Variants in ASIC2 observed in about 807,000 individuals in gnomAD.
ASIC2 encodes acid sensing ion channel subunit 2.
A neutral mutation model predicts 57.3 loss-of-function variants in ASIC2; 25 were observed. That is an observed-to-expected ratio of 0.44 (90% CI 0.32 to 0.61). The LOEUF is 0.61. Among genes scored for constraint, ASIC2 ranks in the 20% least tolerant of loss-of-function variants. The probability of loss-of-function intolerance (pLI) is 0.06; values close to 1 mark genes in which losing one functional copy is unlikely to be tolerated. For missense variants in ASIC2, 641 were observed against 738.1 expected, an observed-to-expected ratio of 0.87 and a Z score of 1.52; for synonymous variants, 319 against 307.5, an observed-to-expected ratio of 1.04 and a Z score of -0.39.
At chr17:33,298,954 G>A (rs1905836548) in intron 1 of ASIC2, among the ~76,000 whole-genome samples, 1 of 152,144 alleles carries the variant, frequency 6.6e-6, no homozygotes, top group South Asian at 2.1e-4. Flanking sequence ...ACAAACAAAT[G>A]GAAGAACATT....
rs4380089 is a variant in ASIC2 at position 33,739,902 on chromosome 17, G to A, written c.555+416076C>T. On this transcript the variant is annotated intron_variant, in intron 1 of 9. Transcript: ENST00000359872. ...AAAGAAAAGGAAAGAAAAGAAAAAA[G>A]AGAAAGAAAGAAAAGAAAAAAGAAA... Among the ~76,000 whole-genome samples the A allele has an allele frequency of 7.1e-5, 8 of 113,184 alleles. No individual in the cohort carries two copies. In the East Asian group the frequency reaches 1.6e-3, roughly 22 times the overall value. The allele number at this position is 113,184 out of a possible 152,430, so 74.3% of individuals were successfully genotyped here.
At chr17:33,589,907 A>G (rs932362203) in intron 1 of ASIC2, among the ~76,000 whole-genome samples, 31 of 152,262 alleles carry the variant, frequency 2.0e-4, no homozygotes, top group Middle Eastern at 6.8e-3. Context: ...TGATAATTCT[A>G]TTTGAACTGA....
intron 1 of ASIC2, among the ~76,000 whole-genome samples, chr17:34,132,415 G>C (rs113652736): frequency 8.5e-4 from 130 of 152,058 alleles, no homozygotes; most frequent in African/African-American, 3.0e-3. Context: ...GTGCGAGCCG[G>C]GTGGAGGCCA....
chr17:33,019,948 G>A (rs2091828329), intron 7 of ASIC2, among the ~76,000 whole-genome samples: 1 of 152,114 alleles, frequency 6.6e-6, no homozygotes, highest in Admixed American at 6.5e-5. Context: ...CCTGTCCTGG[G>A]TCCTCTTTAT....
At chr17:33,348,758 A>G (rs1007670075) in intron 1 of ASIC2, among the ~76,000 whole-genome samples, 14 of 152,084 alleles carry the variant, frequency 9.2e-5, no homozygotes, top group Non-Finnish European at 1.2e-4. Flanking sequence ...GATGGGTTCA[A>G]GCTGGTCTCT....
intron 1 of ASIC2, among the ~76,000 whole-genome samples, chr17:33,829,953 G>A (rs1297680400): frequency 6.6e-6 from 1 of 152,070 alleles, no homozygotes; most frequent in Non-Finnish European, 1.5e-5. Context: ...TAATAATATA[G>A]CATCTACTGT....
At chr17:33,767,603 T>C (rs1910970655) in intron 1 of ASIC2, among the ~76,000 whole-genome samples, 1 of 152,218 alleles carries the variant, frequency 6.6e-6, no homozygotes, top group African/African-American at 2.4e-5. Flanking sequence ...ACAAACCAGC[T>C]CTCATAAAAT....
intron 1 of ASIC2, among the ~76,000 whole-genome samples, chr17:33,260,760 C>A (rs1452388723): frequency 2.0e-5 from 3 of 152,192 alleles, no homozygotes; most frequent in Non-Finnish European, 4.4e-5. Context: ...CAGCCCCCGT[C>A]CCTTCCCAGG....
chr17:33,745,422 A>T (rs1225828089), intron 1 of ASIC2, among the ~76,000 whole-genome samples: 1 of 151,670 alleles, frequency 6.6e-6, no homozygotes, highest in East Asian at 1.9e-4. Flanking sequence ...AAAAAAATCA[A>T]TTTACATATC....
intron 1 of ASIC2, among the ~76,000 whole-genome samples, chr17:33,245,223 T>G (rs1908649646): frequency 6.6e-6 from 1 of 152,106 alleles, no homozygotes; most frequent in African/African-American, 2.4e-5. Flanking sequence ...TTTGAGAAAC[T>G]CATAATGGAA....
At chr17:33,481,679 T>A (rs1269353159) in intron 1 of ASIC2, among the ~76,000 whole-genome samples, 3 of 152,236 alleles carry the variant, frequency 2.0e-5, no homozygotes, top group Admixed American at 1.3e-4. Context: ...TTAAACCTGC[T>A]CAAGGTTTTT....
At chr17:33,989,360 C>T (rs1185688047) in intron 1 of ASIC2, among the ~76,000 whole-genome samples, 1 of 151,960 alleles carries the variant, frequency 6.6e-6, no homozygotes, top group Non-Finnish European at 1.5e-5. Flanking sequence ...CAGAAGGACA[C>T]GGCAAAGGTG....
intron 1 of ASIC2, among the ~76,000 whole-genome samples, chr17:33,795,513 T>A (rs1262665649): frequency 6.6e-6 from 1 of 152,200 alleles, no homozygotes; most frequent in Non-Finnish European, 1.5e-5. Flanking sequence ...AACATTGACA[T>A]GAAATCTCAT....
intron 1 of ASIC2, among the ~76,000 whole-genome samples, chr17:33,397,716 C>T (rs1007240989): frequency 6.6e-6 from 1 of 152,180 alleles, no homozygotes; most frequent in Non-Finnish European, 1.5e-5. Flanking sequence ...CCTCCCATCA[C>T]CCCATCAGCA....
At chr17:33,924,260 G>T (rs1426467328) in intron 1 of ASIC2, among the ~76,000 whole-genome samples, 3 of 152,180 alleles carry the variant, frequency 2.0e-5, no homozygotes, top group African/African-American at 7.2e-5. Context: ...TCCTCCTGGG[G>T]TTCTCCCCAA....
intron 1 of ASIC2, among the ~76,000 whole-genome samples, chr17:33,408,053 T>C (rs1362700069): frequency 6.6e-6 from 1 of 152,090 alleles, no homozygotes; most frequent in East Asian, 1.9e-4. Flanking sequence ...TTAGAAGAAG[T>C]GTGCCACATG....
chr17:33,836,935 C>A (rs1913292105), intron 1 of ASIC2, among the ~76,000 whole-genome samples: 1 of 152,170 alleles, frequency 6.6e-6, no homozygotes, highest in Non-Finnish European at 1.5e-5. Context: ...AATTTGTATC[C>A]TTTTCATTAT....
chr17:33,828,431 T>C (rs547669847), intron 1 of ASIC2: 1 of 152,306 alleles, frequency 6.6e-6, no homozygotes, highest in Admixed American at 6.5e-5. Flanking sequence ...AGGTATCATC[T>C]TTGTGAGAAG....
At chr17:33,850,142 G>C (rs1002256747) in intron 1 of ASIC2, among the ~76,000 whole-genome samples, 1 of 152,136 alleles carries the variant, frequency 6.6e-6, no homozygotes, top group Admixed American at 6.5e-5. Context: ...ACAAAATCAG[G>C]GCTTATGGCC....
Sources: gnomAD v4.1 joint callset for allele counts (sites outside exome capture counted in the v4.1 genomes callset) on GRCh38, gnomAD v4.1.1 for gene constraint, MANE v1.5 for transcripts, NCBI Gene and HGNC (gene_info 2026-07-23, HGNC 2026-07-21) for gene names.